The following SNTA1 variants were observed in gnomAD, a reference collection of about 807,000 sequenced individuals.
SNTA1 encodes the protein syntrophin alpha 1.
Under a neutral mutation model 47.1 loss-of-function variants are expected in SNTA1, and 31 were observed. That is an observed-to-expected ratio of 0.66 (90% confidence interval 0.49 to 0.89). The LOEUF is 0.89. SNTA1 is among the 40% of genes least tolerant of loss of function. SNTA1 has a pLI of 0.00. For missense variants in SNTA1, 575 were observed against 693.0 expected, an observed-to-expected ratio of 0.83 and a Z score of 1.91; for synonymous variants, 300 against 313.6, an observed-to-expected ratio of 0.96 and a Z score of 0.46.
intron 2 of SNTA1, among the ~76,000 whole-genome samples, chr20:33,430,526 T>TC (rs1443696727): frequency 6.6e-6 from 1 of 151,748 alleles, no homozygotes; most frequent in Admixed American, 6.6e-5. Context: ...TCCACCCGCC[T>TC]CAGCCTCCCA....
Position 33,410,276 on chromosome 20 carries a change from A to C in SNTA1, c.1096T>G (p.Phe366Val). ...TGACGCGTGCCCGTGCGCAGGGCAA[A>C]AGAGAGCTCTGCATCGTAGGGCACT... is the stretch of plus-strand genomic sequence containing the variant. The part of the protein sequence containing the change: ...GSVPYDAELS[F>V]ALRTGTRHGV... The change falls in exon 6 of 8, where the codon TTT becomes GTT. Residue 366 changes from phenylalanine (F) to valine (V), a missense_variant. Physicochemically the swap from Phe to Val is conservative, Grantham distance 50. Transcript: ENST00000217381. 1 of 1,612,336 alleles carries C rather than the reference A, an allele frequency of 6.2e-7. No individual in the cohort carries two copies. Among genetic ancestry groups the C allele is most frequent in the Non-Finnish European group, 8.5e-7 (1 of 1,179,712 alleles).
chr20:33,417,928 T>C lies in SNTA1; in HGVS notation c.497-5A>G, dbSNP rs202178576. The stretch of plus-strand genomic sequence containing the variant: ...AGACGTCCTTCATATACTTGACTGA[T>C]TGGGAGAGACATCAGCAGTCACCAC... On this transcript the variant is annotated splice_region_variant and splice_polypyrimidine_tract_variant and intron_variant, in intron 2 of 7. Coordinates refer to ENST00000217381, the MANE Select transcript of SNTA1 (RefSeq NM_003098.3). The C allele has an allele frequency of 3.4e-5, 54 of 1,605,028 alleles. No individual in the cohort carries two copies. Among genetic ancestry groups the C allele is most frequent in the Non-Finnish European group, 4.5e-5 (53 of 1,171,988 alleles).
rs200764326 is a variant in SNTA1 at position 33,439,046 on chromosome 20, G to A, written c.311-20C>T. 1.1e-4 allele frequency: 182 copies of A among 1,610,254 alleles called. No individual in the cohort carries two copies. The highest frequency in any genetic ancestry group is 2.2e-5 in the East Asian group (1 of 44,880). On this transcript the variant is annotated intron_variant, in intron 1 of 7. Coordinates refer to ENST00000217381, the MANE Select transcript of SNTA1 (RefSeq NM_003098.3). ...GGCCGCCTGCACAGGTACAGAAGGA[G>A]GACAAGACTTAGGCAGATACTCCAA...
In SNTA1 at chr20:33,439,239, C is replaced by T. The variant is rs945053703; in HGVS notation, c.311-213G>A. On this transcript the variant is annotated intron_variant, in intron 1 of 7. Transcript: ENST00000217381. ...TCATTTTTGATTAGGTCCGGTGGCTCATGCCTGTAATCCCAGCACCTTAGA... is the reference window on the plus strand; with the variant it reads ...TCATTTTTGATTAGGTCCGGTGGCTTATGCCTGTAATCCCAGCACCTTAGA... Among the ~76,000 whole-genome samples the T allele has an allele frequency of 3.3e-5, 5 of 152,144 alleles. No homozygotes were observed. The East Asian group carries it at 9.6e-4, about 29-fold the overall frequency.
intron 2 of SNTA1, among the ~76,000 whole-genome samples, chr20:33,418,464 G>A (rs1989933649): frequency 6.6e-6 from 1 of 151,950 alleles, no homozygotes; most frequent in East Asian, 1.9e-4. Context: ...TGCTGGTCTT[G>A]AACTCCTAGA....
rs182320044 is a variant in SNTA1 at position 33,417,907 on chromosome 20, G to A, written c.513C>T (p.Asp171=). The A allele has an allele frequency of 3.2e-5, 52 of 1,613,096 alleles. No homozygotes were observed. The highest frequency in any genetic ancestry group is 8.8e-5 in the South Asian group (8 of 91,066). Residue 171 remains aspartate (D), a synonymous_variant, in exon 3 of 8, where the codon GAC becomes GAT. Coordinates refer to ENST00000217381, the MANE Select transcript of SNTA1 (RefSeq NM_003098.3). The part of the protein sequence containing the change: ...EVVLEVKYMK[D]VSPYFKNSTG... ...TAGAGTTCTTGAAATACGGTGAGAC[G>A]TCCTTCATATACTTGACTGATTGGG...
intron 2 of SNTA1, among the ~76,000 whole-genome samples, chr20:33,423,373 TG>T (rs1990083067): frequency 2.0e-5 from 3 of 152,024 alleles, no homozygotes; most frequent in Non-Finnish European, 2.9e-5. Context: ...CAAGGCAGGG[TG>T]GGGCTGCCAA....
chr20:33,422,145 ACT>A (rs1233982891), intron 2 of SNTA1, among the ~76,000 whole-genome samples: 3 of 151,652 alleles, frequency 2.0e-5, no homozygotes, highest in Non-Finnish European at 4.4e-5. Context: ...AAAACTGGGA[ACT>A]CCTAAAAGAA....
Position 33,417,871 on chromosome 20 carries a change from G to A in SNTA1, c.549C>T (p.Thr183=), listed in dbSNP as rs1340521703. 5 of 1,613,994 alleles carry A rather than the reference G, an allele frequency of 3.1e-6. No homozygotes were observed. The African/African-American group carries it at 4.0e-5, about 13-fold the overall frequency. The part of the protein sequence containing the change: ...SPYFKNSTGG[T]SVGWDSPPAS... Reference sequence around the variant, plus strand: ...CAGGAGGTGAGTCCCAGCCGACCGAGGTCCCACCAGTAGAGTTCTTGAAAT... The same window carrying A: ...CAGGAGGTGAGTCCCAGCCGACCGAAGTCCCACCAGTAGAGTTCTTGAAAT... Residue 183 remains threonine (T), a synonymous_variant, in exon 3 of 8, where the codon ACC becomes ACT. Coordinates refer to ENST00000217381, the MANE Select transcript of SNTA1 (RefSeq NM_003098.3).
At position 33,410,115 on chromosome 20, in the gene SNTA1, C is replaced by T. The variant is rs1989701964; in HGVS notation, c.1237+20G>A. Reference sequence around the variant, plus strand: ...AGAGGCTTATTACCAGAGGGACACTCCCAGATCCTCCCAGCACACCTGTAG... The same window carrying T: ...AGAGGCTTATTACCAGAGGGACACTTCCAGATCCTCCCAGCACACCTGTAG... On this transcript the variant is annotated intron_variant, in intron 6 of 7. Coordinates refer to ENST00000217381, the MANE Select transcript of SNTA1 (RefSeq NM_003098.3). The T allele has an allele frequency of 1.2e-6, 2 of 1,613,774 alleles. No individual in the cohort carries two copies. Among genetic ancestry groups the T allele is most frequent in the Non-Finnish European group, 1.7e-6 (2 of 1,179,646 alleles).
At chr20:33,439,413 G>A (rs1990526367) in intron 1 of SNTA1, among the ~76,000 whole-genome samples, 1 of 152,154 alleles carries the variant, frequency 6.6e-6, no homozygotes, top group African/African-American at 2.4e-5. Context: ...GATCACTTGA[G>A]CCCAGGAGGT....
intron 2 of SNTA1, among the ~76,000 whole-genome samples, chr20:33,424,999 C>T (rs1208036979): frequency 6.6e-6 from 1 of 151,930 alleles, no homozygotes; most frequent in Admixed American, 6.6e-5. Flanking sequence ...GCCTGTAGTC[C>T]CAGCCACTCG....
chr20:33,437,176 T>C (rs1990461115), intron 2 of SNTA1, among the ~76,000 whole-genome samples: 1 of 150,980 alleles, frequency 6.6e-6, no homozygotes, highest in South Asian at 2.1e-4. Context: ...GGCAGAAGAA[T>C]TGCTTGAACC....
rs891869271 is a variant in SNTA1, at chr20:33,412,342, C to T, written c.994G>A (p.Glu332Lys). 3.7e-6 allele frequency: 6 copies of T among 1,611,740 alleles called. No individual in the cohort carries two copies. The highest frequency in any genetic ancestry group is 5.1e-6 in the Non-Finnish European group (6 of 1,179,468). Residue 332 changes from glutamate to lysine, a missense_variant, in exon 5 of 8, where the codon GAG becomes AAG. By Grantham distance (56) the Glu-to-Lys change is moderately conservative. Transcript: ENST00000217381. The part of the protein sequence containing the change: ...LLYLSLPETR[E>K]ALSRPARTAP... Reference sequence around the variant, plus strand: ...GTACGGGCTGGCCGGCTCAGGGCCTCGCGGGTCTCGGGGAGAGACAAGTAG... The same window carrying T: ...GTACGGGCTGGCCGGCTCAGGGCCTTGCGGGTCTCGGGGAGAGACAAGTAG...
At chr20:33,439,107 A>G (rs1990517333) in intron 1 of SNTA1, 81 bp from the exon 2 acceptor site, 2 of 1,302,862 alleles carry the variant, frequency 1.5e-6, no homozygotes, top group Non-Finnish European at 1.1e-6. Context: ...ATTATTTCTG[A>G]AGGCTTCCCT....
chr20:33,421,840 C>T (rs1324328892), intron 2 of SNTA1, among the ~76,000 whole-genome samples: 1 of 150,814 alleles, frequency 6.6e-6, no homozygotes, highest in African/African-American at 2.4e-5. Context: ...GCCTGTAGTC[C>T]CAGCTACTCG....
At chr20:33,439,575 G>A (rs76923437) in intron 1 of SNTA1, among the ~76,000 whole-genome samples, 2,485 of 152,196 alleles carry the variant, frequency 0.016, 61 homozygotes, top group African/African-American at 0.056. Flanking sequence ...AAGTGCTTTG[G>A]GTGTTCACCA....
intron 1 of SNTA1, among the ~76,000 whole-genome samples, chr20:33,442,544 C>T (rs925641525): frequency 6.6e-6 from 1 of 152,142 alleles, no homozygotes; most frequent in African/African-American, 2.4e-5. Flanking sequence ...TGTGGTGAGC[C>T]CTGCTCTCAG....
intron 2 of SNTA1, among the ~76,000 whole-genome samples, chr20:33,435,958 G>A (rs1026388452): frequency 6.6e-6 from 1 of 152,064 alleles, no homozygotes; most frequent in African/African-American, 2.4e-5. Context: ...ACTTTGGGAG[G>A]CCGGGGCGGG....
Sources: gnomAD v4.1 joint callset for allele counts (sites outside exome capture counted in the v4.1 genomes callset) on GRCh38, gnomAD v4.1.1 for gene constraint, MANE v1.5 for transcripts, NCBI Gene and HGNC (gene_info 2026-07-23, HGNC 2026-07-21) for gene names.